Variants in PCDHGA2 observed in about 807,000 individuals in gnomAD.
PCDHGA2 encodes protocadherin gamma subfamily A, 2.
A neutral mutation model predicts 59.2 loss-of-function variants in PCDHGA2; 40 were observed. That is an observed-to-expected ratio of 0.68 (90% CI 0.52 to 0.88). PCDHGA2 has a LOEUF of 0.88. Ranked by LOEUF, PCDHGA2 falls within the 40% of genes least tolerant of loss-of-function variation. The probability of loss-of-function intolerance (pLI) is 0.00; values close to 1 mark genes in which losing one functional copy is unlikely to be tolerated. For synonymous variants in PCDHGA2, 560 were observed against 526.0 expected, an observed-to-expected ratio of 1.06 and a Z score of -0.89; for missense variants, 1,226 against 1,204.0, an observed-to-expected ratio of 1.02 and a Z score of -0.27.
At chr5:141,374,954 AT>A in intron 1 of PCDHGA2, 1 of 1,613,990 alleles carries the variant, frequency 6.2e-7, no homozygotes, top group East Asian at 2.2e-5. Flanking sequence ...GATCTCACAA[AT>A]TTTCTGTTTG....
intron 1 of PCDHGA2, chr5:141,384,672 G>A (rs1316537355): frequency 6.2e-7 from 1 of 1,614,086 alleles, no homozygotes; most frequent in Non-Finnish European, 8.5e-7. Flanking sequence ...TGACCAAGGT[G>A]GTGGCGGTGG....
At chr5:141,365,639 C>T (rs1764033148) in intron 1 of PCDHGA2, 2 of 1,613,492 alleles carry the variant, frequency 1.2e-6, no homozygotes, top group Admixed American at 3.3e-5. Context: ...TACAGAAAGC[C>T]ACATCCCCTT....
chr5:141,355,284 C>G (rs548905369), intron 1 of PCDHGA2: 1 of 1,613,732 alleles, frequency 6.2e-7, no homozygotes, highest in East Asian at 2.2e-5. Context: ...AAATCAGGGC[C>G]GAACAGATTC....
At position 141,511,940 on chromosome 5, in the gene PCDHGA2, G is replaced by A. The variant is rs2099884015; in HGVS notation, c.*767G>A. 1 of 154,118 alleles carries A rather than the reference G, an allele frequency of 6.5e-6. No homozygotes were observed. The highest frequency in any genetic ancestry group is 1.9e-4 in the East Asian group (1 of 5,214). 9.5% of individuals were successfully genotyped at this position (154,118 alleles called of 1,614,324 possible). ...TCCACTGCATGTTCCAAGACAGTAT[G>A]GGGTGGTAAGATAAGGAAGGGAAGT... On this transcript the variant is annotated 3_prime_UTR_variant, in exon 4 of 4. Coordinates refer to ENST00000394576, the MANE Select transcript of PCDHGA2 (RefSeq NM_018915.4).
At chr5:141,367,851 G>C (rs149342716) in intron 1 of PCDHGA2, 1 of 151,844 alleles carries the variant, frequency 6.6e-6, no homozygotes, top group Admixed American at 6.6e-5. Flanking sequence ...CAATGTTAGC[G>C]TTTCTTTAAG....
chr5:141,398,989 T>A lies in PCDHGA2; in HGVS notation c.2424+57594T>A, dbSNP rs766277028. 153 of 1,613,914 alleles carry A rather than the reference T, an allele frequency of 9.5e-5. No individual in the cohort carries two copies. The Middle Eastern group carries it at 3.6e-3, about 38-fold the overall frequency. ...TTCCTTCTACAGAACCGGGCAAATC[T>A]TTAGTCTGAATTCAAAGAGCGGAGA... is the stretch of plus-strand genomic sequence containing the variant. On this transcript the variant is annotated intron_variant, in intron 1 of 3. Coordinates refer to ENST00000394576, the MANE Select transcript of PCDHGA2 (RefSeq NM_018915.4).
intron 2 of PCDHGA2, among the ~76,000 whole-genome samples, chr5:141,501,279 A>T (rs1180397181): frequency 3.0e-5 from 4 of 135,444 alleles, no homozygotes. Context: ...AGTCTATGGG[A>T]TATTCCCTTA....
intron 1 of PCDHGA2, chr5:141,387,786 C>T: frequency 1.4e-6 from 2 of 1,473,828 alleles, no homozygotes; most frequent in Non-Finnish European, 1.8e-6. Flanking sequence ...ACTGGAACTG[C>T]AACTAAAGTC....
chr5:141,428,098 A>C (rs1387848300), intron 1 of PCDHGA2: 1 of 1,608,664 alleles, frequency 6.2e-7, no homozygotes, highest in South Asian at 1.1e-5. Context: ...CTGTCCTACC[A>C]CGTGCTGCAG....
At chr5:141,351,297 T>C (rs1758686491) in intron 1 of PCDHGA2, 2 of 1,613,958 alleles carry the variant, frequency 1.2e-6, no homozygotes, top group Non-Finnish European at 1.7e-6. Flanking sequence ...GTGACATTCA[T>C]GTCCTTCTCT....
intron 1 of PCDHGA2, among the ~76,000 whole-genome samples, chr5:141,407,567 A>T (rs554405122): frequency 7.0e-4 from 107 of 152,170 alleles, no homozygotes; most frequent in African/African-American, 2.5e-3. Context: ...AAGCTGAAAG[A>T]TAAAATTCTT....
At chr5:141,456,341 C>G (rs950158154) in intron 1 of PCDHGA2, among the ~76,000 whole-genome samples, 4 of 152,034 alleles carry the variant, frequency 2.6e-5, no homozygotes, top group Admixed American at 1.3e-4. Context: ...TAAGGGTCCT[C>G]GGAAGAATGG....
chr5:141,427,304 C>T, intron 1 of PCDHGA2: 1 of 456,910 alleles, frequency 2.2e-6, no homozygotes, highest in Non-Finnish European at 4.4e-6. Flanking sequence ...ATGAGAATGA[C>T]AATGCCCCAG....
intron 1 of PCDHGA2, among the ~76,000 whole-genome samples, chr5:141,481,555 C>T (rs1013876865): frequency 3.3e-5 from 5 of 152,164 alleles, no homozygotes; most frequent in South Asian, 2.1e-4. Flanking sequence ...CAGTGGCTCA[C>T]GCCTGTAATC....
chr5:141,428,029 C>G, intron 1 of PCDHGA2: 2 of 1,607,160 alleles, frequency 1.2e-6, no homozygotes, highest in Non-Finnish European at 1.7e-6. Flanking sequence ...GCCGCAGAGT[C>G]CGGCTACCTG....
At chr5:141,346,343 C>T (rs1449608526) in intron 1 of PCDHGA2, 7 of 1,614,100 alleles carry the variant, frequency 4.3e-6, no homozygotes, top group South Asian at 3.3e-5. Flanking sequence ...ACCTGATTTT[C>T]CCCCAGCCCA....
rs755732164 is a variant in PCDHGA2 at position 141,375,200 on chromosome 5, G to T, written c.2424+33805G>T. ...AGTAATCGCCCTTTTTCAAGTGTTC[G>T]ATCGAGACTCTGGCCTGAATGGCCT... On this transcript the variant is annotated intron_variant, in intron 1 of 3. Coordinates refer to ENST00000394576, the MANE Select transcript of PCDHGA2 (RefSeq NM_018915.4). 8.1e-6 allele frequency: 13 copies of T among 1,613,822 alleles called. No individual in the cohort carries two copies. Among genetic ancestry groups the T allele is most frequent in the East Asian group, 2.2e-5 (1 of 44,902 alleles).
At chr5:141,384,890 TG>T in intron 1 of PCDHGA2, 1 of 1,613,868 alleles carries the variant, frequency 6.2e-7, no homozygotes, top group Non-Finnish European at 8.5e-7. Flanking sequence ...ACCGTGGCTG[TG>T]GCTGACAGCA....
intron 1 of PCDHGA2, chr5:141,405,363 C>G (rs765508317): frequency 5.0e-6 from 8 of 1,613,808 alleles, no homozygotes; most frequent in Non-Finnish European, 6.8e-6. Context: ...ATAGAAGACA[C>G]CCCTTTGGTT....
Sources: allele counts gnomAD v4.1 joint callset (sites outside exome capture counted in the v4.1 genomes callset), GRCh38; gene constraint gnomAD v4.1.1; transcripts MANE v1.5; gene names NCBI Gene and HGNC (gene_info 2026-07-23, HGNC 2026-07-21).